Variants in POLR1C observed in about 807,000 individuals in gnomAD.
POLR1C encodes RNA polymerase I and III subunit C, also known as DNA-directed RNA polymerases I and III subunit RPAC1.
POLR1C carries 42 observed loss-of-function variants against 38.3 expected under a neutral mutation model. The ratio of observed to expected loss-of-function variants is 1.10; its 90% CI spans 0.86 to 1.42. POLR1C has a LOEUF of 1.42. POLR1C is among the 40% of genes most tolerant of loss of function. The probability of loss-of-function intolerance (pLI) is 0.00; values close to 1 mark genes in which losing one functional copy is unlikely to be tolerated. For synonymous variants in POLR1C, 163 were observed against 163.9 expected, an observed-to-expected ratio of 0.99 and a Z score of 0.04; for missense variants, 507 against 450.5, an observed-to-expected ratio of 1.13 and a Z score of -1.14.
intron 9 of POLR1C, chr6:43,548,163 C>T: frequency 1.7e-6 from 2 of 1,203,014 alleles, no homozygotes; most frequent in Non-Finnish European, 2.3e-6. Context: ...TGCCATCACA[C>T]TTCAATATCC....
downstream of POLR1C, chr6:43,531,620 A>T (rs762205185): frequency 1.3e-6 from 2 of 1,538,536 alleles, no homozygotes; most frequent in African/African-American, 2.7e-5. Flanking sequence ...CACTGTCAGG[A>T]GTCTCAATTG....
At position 43,557,783 on chromosome 6, in the gene POLR1C, TAAAAAAAAAAAA is replaced by T. The variant is rs59661301; in HGVS notation, c.*49-3602_*49-3591del. On this transcript the variant is annotated intron_variant, in intron 10 of 10. Coordinates refer to the POLR1C transcript ENST00000607635. ...AATGAATTTTGTCTCAATAAAGCTGTAAAAAAAAAAAAAAAAAAAAAAAAAAGGAGGCTGGGC... is the reference window on the plus strand; with the variant it reads ...AATGAATTTTGTCTCAATAAAGCTGTAAAAAAAAAAAAAAGGAGGCTGGGC... Among the ~76,000 whole-genome samples the T allele has an allele frequency of 7.4e-3, 646 of 87,250 alleles. 7 individuals carry two copies. The highest frequency in any genetic ancestry group is 0.025 in the African/African-American group (592 of 24,042). The allele number at this position is 87,250 out of a possible 152,430, so 57.2% of individuals were successfully genotyped here.
chr6:43,559,303 A>C (rs1762279117), intron 10 of POLR1C, among the ~76,000 whole-genome samples: 1 of 152,206 alleles, frequency 6.6e-6, no homozygotes, highest in African/African-American at 2.4e-5. Context: ...TCTCAAAAAA[A>C]AACACAGAAC....
At chr6:43,517,438 GC>G in intron 2 of POLR1C, 61 bp downstream of exon 2, 4 of 1,402,260 alleles carry the variant, frequency 2.9e-6, no homozygotes, top group East Asian at 2.3e-5. Context: ...GGTCTGAGCA[GC>G]CTGTGTCTGT....
At chr6:43,546,687 T>C (rs535006632) in intron 9 of POLR1C, 1 of 1,613,504 alleles carries the variant, frequency 6.2e-7, no homozygotes, top group Non-Finnish European at 8.5e-7. Flanking sequence ...CTTTGGCCTC[T>C]TCTAGGTCAG....
At chr6:43,546,871 A>G in intron 9 of POLR1C, 2 of 998,462 alleles carry the variant, frequency 2.0e-6, no homozygotes, top group Non-Finnish European at 1.4e-6. Context: ...AGAATGAAAT[A>G]ATCCTCTGCT....
At chr6:43,561,996 C>T (rs746279244) in exon 11 of POLR1C, 19 of 320,936 alleles carry the variant, frequency 5.9e-5, no homozygotes, top group African/African-American at 1.3e-4. Flanking sequence ...AAGAAACCAA[C>T]GTTGACTTTA....
At chr6:43,544,523 T>C (rs932288904) in intron 9 of POLR1C, among the ~76,000 whole-genome samples, 2 of 152,234 alleles carry the variant, frequency 1.3e-5, no homozygotes, top group Non-Finnish European at 2.9e-5. Context: ...GTTGGCCACA[T>C]AGATTCTGGC....
rs1445998673 is a variant in POLR1C, at chr6:43,520,678, C to T, written c.709C>T (p.Pro237Ser). The T allele has an allele frequency of 1.5e-5, 25 of 1,614,006 alleles. No homozygotes were observed. The highest frequency in any genetic ancestry group is 2.1e-5 in the Non-Finnish European group (25 of 1,180,002). Reference sequence around the variant, plus strand: ...GGCAACAGCCAGTTACAGGCTCCTGCCAGACATCACCCTGCTTGAGCCCGT... The same window carrying T: ...GGCAACAGCCAGTTACAGGCTCCTGTCAGACATCACCCTGCTTGAGCCCGT... ...PVATASYRLLPDITLLEPVEG... is the reference protein window; with the variant it reads ...PVATASYRLLSDITLLEPVEG... Residue 237 changes from proline to serine, a missense_variant, in exon 7 of 9, where the codon CCA (proline) becomes TCA (serine). Physicochemically the swap from Pro to Ser is moderately conservative, Grantham distance 74 (BLOSUM62 -1). Transcript: ENST00000642195.
Position 43,521,200 on chromosome 6 carries a change from G to T in POLR1C, c.941G>T (p.Gly314Val). ...DHYIFSVEST[G>V]VLPPDVLVSE... The stretch of plus-strand genomic sequence containing the variant: ...TCCCCAGTCTCTGTTGAGTCAACGG[G>T]GGTGTTGCCACCAGATGTGCTGGTG... The change falls in exon 9 of 9, where the codon GGG (glycine) becomes GTG (valine). Residue 314 changes from glycine to valine, a missense_variant. Physicochemically the swap from Gly to Val is moderately radical, Grantham distance 109. Coordinates refer to ENST00000642195, the MANE Select transcript of POLR1C (RefSeq NM_203290.4). The T allele has an allele frequency of 6.2e-7, 1 of 1,614,110 alleles. No individual in the cohort carries two copies. The highest frequency in any genetic ancestry group is 1.1e-5 in the South Asian group (1 of 91,072).
chr6:43,529,909 CAA>C (rs1191727799), downstream of POLR1C, among the ~76,000 whole-genome samples: 292 of 97,492 alleles, frequency 3.0e-3, 2 homozygotes, highest in African/African-American at 9.5e-3. Flanking sequence ...GACCCTGTCT[CAA>C]AAAAAAAAAA....
At chr6:43,543,719 AC>A (rs1794823484) in intron 9 of POLR1C, among the ~76,000 whole-genome samples, 1 of 151,082 alleles carries the variant, frequency 6.6e-6, no homozygotes, top group Non-Finnish European at 1.5e-5. Flanking sequence ...TTGCCCAGGG[AC>A]AGGGAAGACT....
intron 8 of POLR1C, chr6:43,529,182 A>G: frequency 6.8e-7 from 1 of 1,465,760 alleles, no homozygotes; most frequent in Non-Finnish European, 9.2e-7. Context: ...AAAAGTAGGA[A>G]TAAAAAAATA....
intron 2 of POLR1C, among the ~76,000 whole-genome samples, chr6:43,517,732 G>A (rs140817890): frequency 1.3e-5 from 2 of 152,228 alleles, no homozygotes; most frequent in Admixed American, 6.5e-5. Flanking sequence ...TCTCAATTGA[G>A]CCTTGAATGG....
intron 2 of POLR1C, 65 bp from the exon 3 acceptor site, chr6:43,519,268 G>A: frequency 1.1e-6 from 1 of 940,058 alleles, no homozygotes; most frequent in Non-Finnish European, 1.7e-6. Flanking sequence ...TATCTAAGGG[G>A]GAGGTATGAA....
intron 10 of POLR1C, chr6:43,560,858 A>G (rs1762380072): frequency 7.9e-7 from 1 of 1,262,436 alleles, no homozygotes; most frequent in Non-Finnish European, 1.2e-6. Context: ...ATAATATTTC[A>G]GGACACAGTG....
intron 9 of POLR1C, chr6:43,546,628 C>T (rs776910300): frequency 4.3e-6 from 7 of 1,613,888 alleles, no homozygotes; most frequent in South Asian, 1.1e-5. Flanking sequence ...GCAGGGGTTA[C>T]GGAAGATTGG....
chr6:43,539,592 G>C, intron 9 of POLR1C: 1 of 1,381,702 alleles, frequency 7.2e-7, no homozygotes, highest in East Asian at 2.3e-5. Flanking sequence ...CCACGGCTGC[G>C]ACCCCGGCCC....
chr6:43,524,101 A>C (rs1332478215), downstream of POLR1C: 2 of 1,510,290 alleles, frequency 1.3e-6, no homozygotes, highest in Admixed American at 4.1e-5. Flanking sequence ...CTGTAATCCC[A>C]ACACTTTTGG....
Sources: gnomAD v4.1 joint callset for allele counts (sites outside exome capture counted in the v4.1 genomes callset) on GRCh38, gnomAD v4.1.1 for gene constraint, MANE v1.5 for transcripts, NCBI Gene and HGNC (gene_info 2026-07-23, HGNC 2026-07-21) for gene names.